The following BRINP3 variants were observed in gnomAD, a reference collection of about 807,000 sequenced individuals.
The protein encoded by BRINP3 is BMP/retinoic acid inducible neural specific 3, also known as BMP/retinoic acid-inducible neural-specific protein 3.
Under a neutral mutation model 71.0 loss-of-function variants are expected in BRINP3, and 19 were observed. That is an observed-to-expected ratio of 0.27 (90% CI 0.19 to 0.39). The LOEUF is 0.39. Among genes scored for constraint, BRINP3 ranks in the 10% least tolerant of loss-of-function variants. The pLI, the probability that BRINP3 is intolerant of heterozygous loss-of-function variation, is 1.00. For missense variants in BRINP3, 959 were observed against 940.8 expected (o/e 1.02, Z -0.25); for synonymous variants, 380 against 337.7 (o/e 1.13, Z -1.37).
intron 2 of BRINP3, among the ~76,000 whole-genome samples, chr1:190,316,425 T>C (rs539543570): frequency 6.6e-6 from 1 of 152,244 alleles, no homozygotes; most frequent in South Asian, 2.1e-4. Context: ...TCAATTGCTA[T>C]TCTGAGACAA....
Position 190,215,331 on chromosome 1 carries a change from T to A in BRINP3, c.961+10751A>T, listed in dbSNP as rs541954793. ...AAATGTAGGTTTTACTCCCCAAAAA[T>A]ATGGGATACTTTACTGTCAAAGAAG... On this transcript the variant is annotated intron_variant, in intron 6 of 7. Transcript: ENST00000367462. Among the ~76,000 whole-genome samples, 10 of 151,948 alleles carry A rather than the reference T, an allele frequency of 6.6e-5. No individual in the cohort carries two copies. The East Asian group carries it at 1.9e-3, about 30-fold the overall frequency.
At chr1:190,267,606 G>A (rs551867153) in intron 3 of BRINP3, among the ~76,000 whole-genome samples, 14 of 151,924 alleles carry the variant, frequency 9.2e-5, no homozygotes, top group Admixed American at 5.9e-4. Flanking sequence ...TTTTAAAAGA[G>A]TGGAAACGAT....
chr1:190,284,623 AC>A (rs1255859434), intron 2 of BRINP3, among the ~76,000 whole-genome samples: 1 of 152,124 alleles, frequency 6.6e-6, no homozygotes, highest in East Asian at 1.9e-4. Flanking sequence ...TTCCTGGACA[AC>A]TTTCCAGAGA....
At chr1:190,368,409 G>T (rs1355926081) in intron 2 of BRINP3, among the ~76,000 whole-genome samples, 2 of 151,974 alleles carry the variant, frequency 1.3e-5, no homozygotes, top group African/African-American at 4.8e-5. Flanking sequence ...CACTATTGCA[G>T]GCCTCCATAA....
intron 4 of BRINP3, among the ~76,000 whole-genome samples, chr1:190,260,897 A>T (rs1661128586): frequency 1.3e-5 from 2 of 151,998 alleles, no homozygotes; most frequent in Non-Finnish European, 2.9e-5. Context: ...GCTGCTCAAA[A>T]CTTTCCAAAC....
chr1:190,459,148 A>T (rs952011124), intron 1 of BRINP3, among the ~76,000 whole-genome samples: 20 of 151,216 alleles, frequency 1.3e-4, no homozygotes, highest in African/African-American at 2.2e-4. Flanking sequence ...AAAAAAAAAA[A>T]AATAACTGTG....
intron 2 of BRINP3, among the ~76,000 whole-genome samples, chr1:190,327,096 A>C (rs909515165): frequency 3.3e-5 from 5 of 151,448 alleles, no homozygotes; most frequent in African/African-American, 1.2e-4. Flanking sequence ...CGGGTGGATC[A>C]CTTGAGGTCA....
chr1:190,363,644 G>A (rs868545846), intron 2 of BRINP3, among the ~76,000 whole-genome samples: 26 of 152,204 alleles, frequency 1.7e-4, no homozygotes, highest in Middle Eastern at 3.4e-3. Flanking sequence ...GCATTTTAGA[G>A]GACAAATACG....
At chr1:190,272,908 A>G (rs1019815285) in intron 3 of BRINP3, among the ~76,000 whole-genome samples, 1 of 151,560 alleles carries the variant, frequency 6.6e-6, no homozygotes, top group Non-Finnish European at 1.5e-5. Context: ...TACTTACAAC[A>G]GAGCACATGA....
chr1:190,419,730 A>C (rs1673244994), intron 2 of BRINP3, among the ~76,000 whole-genome samples: 2 of 150,886 alleles, frequency 1.3e-5, no homozygotes, highest in African/African-American at 4.9e-5. Context: ...TTAGCTTTCT[A>C]AGAAACACAC....
intron 6 of BRINP3, among the ~76,000 whole-genome samples, chr1:190,221,891 A>C (rs1274767625): frequency 6.6e-6 from 1 of 152,156 alleles, no homozygotes; most frequent in African/African-American, 2.4e-5. Context: ...TATGCCCAAC[A>C]ACAGAGTTTC....
intron 1 of BRINP3, among the ~76,000 whole-genome samples, chr1:190,460,649 G>A (rs1312797939): frequency 6.6e-6 from 1 of 152,128 alleles, no homozygotes; most frequent in Non-Finnish European, 1.5e-5. Flanking sequence ...GGAACTTACC[G>A]GTTTAGGAAG....
intron 7 of BRINP3, among the ~76,000 whole-genome samples, chr1:190,129,293 C>T (rs1654340785): frequency 6.6e-6 from 1 of 151,686 alleles, no homozygotes; most frequent in Non-Finnish European, 1.5e-5. Flanking sequence ...GTATTCAGCT[C>T]AGACAGTAAT....
chr1:190,184,346 A>G (rs72729146), intron 6 of BRINP3, among the ~76,000 whole-genome samples: 9,805 of 152,240 alleles, frequency 0.064, 449 homozygotes, highest in East Asian at 0.11. Flanking sequence ...AACTTAAAAC[A>G]GAGCTACCAT....
intron 6 of BRINP3, among the ~76,000 whole-genome samples, chr1:190,164,383 A>C (rs1651289973): frequency 1.3e-5 from 2 of 152,156 alleles, no homozygotes; most frequent in Admixed American, 1.3e-4. Context: ...CTCAAAACAG[A>C]AGCTGCTGTC....
At chr1:190,200,728 A>G (rs1654928890) in intron 6 of BRINP3, among the ~76,000 whole-genome samples, 1 of 152,000 alleles carries the variant, frequency 6.6e-6, no homozygotes, top group African/African-American at 2.4e-5. Context: ...GATCTTTCCC[A>G]TGCTGTTCCC....
intron 1 of BRINP3, among the ~76,000 whole-genome samples, chr1:190,459,801 A>T (rs547719454): frequency 6.6e-6 from 1 of 152,194 alleles, no homozygotes; most frequent in African/African-American, 2.4e-5. Context: ...TGTATCAAAC[A>T]TATTTACTTT....
At chr1:190,190,349 G>T (rs1653925622) in intron 6 of BRINP3, among the ~76,000 whole-genome samples, 1 of 152,108 alleles carries the variant, frequency 6.6e-6, no homozygotes, top group Admixed American at 6.6e-5. Flanking sequence ...TGGAGGAAGG[G>T]TGATGTGGGT....
intron 7 of BRINP3, among the ~76,000 whole-genome samples, chr1:190,104,979 C>G (rs1652025509): frequency 6.6e-6 from 1 of 152,020 alleles, no homozygotes. Context: ...TATTTTATTT[C>G]AGCCTTCATA....
Sources: allele counts gnomAD v4.1 joint callset (sites outside exome capture counted in the v4.1 genomes callset), GRCh38; gene constraint gnomAD v4.1.1; transcripts MANE v1.5; gene names NCBI Gene and HGNC (gene_info 2026-07-23, HGNC 2026-07-21).